RAD51B: variants seen among roughly 807,000 people sequenced by gnomAD.
RAD51B encodes the protein RAD51 paralog B.
Under a neutral mutation model 42.2 loss-of-function variants are expected in RAD51B, and 38 were observed. The observed-to-expected ratio is 0.90, with a 90% CI of 0.70 to 1.18. The LOEUF (loss-of-function observed/expected upper bound fraction) is 1.18, where lower values mean the gene tolerates loss of function less well. Ranked by LOEUF, RAD51B falls within the 50% of genes most tolerant of loss-of-function variation. The pLI, the probability that RAD51B is intolerant of heterozygous loss-of-function variation, is 0.00. For synonymous variants in RAD51B, 154 were observed against 145.2 expected, an observed-to-expected ratio of 1.06 and a Z score of -0.43; for missense variants, 373 against 400.7, an observed-to-expected ratio of 0.93 and a Z score of 0.59.
intron 7 of RAD51B, among the ~76,000 whole-genome samples, chr14:67,954,165 C>A (rs1003343638): frequency 6.6e-6 from 1 of 152,112 alleles, no homozygotes; most frequent in Admixed American, 6.5e-5. Flanking sequence ...ATTGTTCTTT[C>A]TATTGAATCA....
chr14:68,425,792 C>A (rs1227854106), intron 9 of RAD51B, among the ~76,000 whole-genome samples: 1 of 151,972 alleles, frequency 6.6e-6, no homozygotes, highest in East Asian at 1.9e-4. Flanking sequence ...GAGTAGCAGG[C>A]TAACAAAAGC....
At position 68,537,208 on chromosome 14, in the gene RAD51B, A is replaced by G. The variant is rs746835736; in HGVS notation, c.1037-57277A>G. 1.0e-4 allele frequency among the ~76,000 whole-genome samples: 15 copies of G among 149,734 alleles called. No individual in the cohort carries two copies. In the South Asian group the frequency reaches 2.6e-3, roughly 25 times the overall value. ...TGGTTAAAGGGGGTTGCTCTTAAAA[A>G]GGAACCATGGCCAGTCGCAGTGGCT... is the stretch of plus-strand genomic sequence containing the variant. On this transcript the variant is annotated intron_variant, in intron 10 of 10. Coordinates refer to the RAD51B transcript ENST00000487270.
intron 7 of RAD51B, among the ~76,000 whole-genome samples, chr14:68,014,695 A>AAAATAAATAAATAAAT (rs199800534): frequency 0.021 from 3,115 of 150,466 alleles, 85 homozygotes; most frequent in African/African-American, 0.062. Context: ...AGGATCAGTA[A>AAAATAAATAAATAAAT]AAATAAATAA....
chr14:68,032,541 A>G (rs2076063908), intron 7 of RAD51B, among the ~76,000 whole-genome samples: 2 of 152,144 alleles, frequency 1.3e-5, no homozygotes. Context: ...CCCTCTCTAC[A>G]TTTAATCATC....
chr14:68,618,781 C>G (rs1053905685), intron 10 of RAD51B, among the ~76,000 whole-genome samples: 1 of 152,186 alleles, frequency 6.6e-6, no homozygotes, highest in Non-Finnish European at 1.5e-5. Context: ...TTGAGAAACT[C>G]AAATTCAGGA....
At chr14:68,480,463 T>C (rs1021795771), downstream of RAD51B, among the ~76,000 whole-genome samples, 4 of 152,214 alleles carry the variant, frequency 2.6e-5, no homozygotes, top group Non-Finnish European at 4.4e-5. Context: ...CTACAGTTTC[T>C]GGTGCCCAAT....
chr14:68,534,621 G>A (rs963181044), intron 10 of RAD51B, among the ~76,000 whole-genome samples: 1 of 152,194 alleles, frequency 6.6e-6, no homozygotes, highest in African/African-American at 2.4e-5. Flanking sequence ...GCGCGAAGAT[G>A]AACAGAATGT....
chr14:68,228,115 C>G (rs1595576354), intron 7 of RAD51B, among the ~76,000 whole-genome samples: 1 of 152,050 alleles, frequency 6.6e-6, no homozygotes, highest in East Asian at 1.9e-4. Context: ...AGATTACAAG[C>G]TAGTAAGAGA....
intron 10 of RAD51B, among the ~76,000 whole-genome samples, chr14:68,553,104 G>A (rs1164467543): frequency 6.6e-6 from 1 of 152,110 alleles, no homozygotes; most frequent in Non-Finnish European, 1.5e-5. Context: ...TGTTGTTGCT[G>A]ATTTCATTTT....
At chr14:68,588,513 C>G (rs1190980395) in intron 10 of RAD51B, among the ~76,000 whole-genome samples, 1 of 152,170 alleles carries the variant, frequency 6.6e-6, no homozygotes, top group Non-Finnish European at 1.5e-5. Flanking sequence ...CAGAGTGCCC[C>G]CAGAGGGACC....
intron 9 of RAD51B, among the ~76,000 whole-genome samples, chr14:68,433,518 C>G (rs533641648): frequency 6.6e-6 from 1 of 152,178 alleles, no homozygotes; most frequent in African/African-American, 2.4e-5. Context: ...CGCTGATACC[C>G]TTTCTTCCAG....
chr14:67,858,484 G>A (rs2042066073), intron 4 of RAD51B, among the ~76,000 whole-genome samples: 1 of 152,148 alleles, frequency 6.6e-6, no homozygotes, highest in Non-Finnish European at 1.5e-5. Flanking sequence ...TTGAGTTTGG[G>A]TTCTTTATAG....
intron 7 of RAD51B, among the ~76,000 whole-genome samples, chr14:68,254,765 G>A (rs1164205628): frequency 1.3e-5 from 2 of 152,132 alleles, no homozygotes; most frequent in Non-Finnish European, 2.9e-5. Flanking sequence ...TCTGAGAAGG[G>A]CTTATAGGTT....
chr14:68,294,897 T>C (rs1356128224), intron 8 of RAD51B, among the ~76,000 whole-genome samples: 2 of 152,210 alleles, frequency 1.3e-5, no homozygotes, highest in East Asian at 3.8e-4. Flanking sequence ...TCTTGCTCTC[T>C]CTGCCTCTCT....
At chr14:68,051,190 T>C (rs1343319655) in intron 7 of RAD51B, among the ~76,000 whole-genome samples, 7 of 151,986 alleles carry the variant, frequency 4.6e-5, no homozygotes, top group Non-Finnish European at 1.0e-4. Flanking sequence ...TTAAAATTTA[T>C]ATAGAAAAAT....
intron 7 of RAD51B, among the ~76,000 whole-genome samples, chr14:67,985,372 A>G (rs2075166252): frequency 6.6e-6 from 1 of 152,202 alleles, no homozygotes; most frequent in South Asian, 2.1e-4. Flanking sequence ...GACTCAGCAC[A>G]AAAGAGGCAT....
At chr14:68,681,981 T>C (rs1893440742) in intron 11 of RAD51B, among the ~76,000 whole-genome samples, 1 of 151,912 alleles carries the variant, frequency 6.6e-6, no homozygotes, top group Non-Finnish European at 1.5e-5. Context: ...GATGGGAGCA[T>C]CAAAATCGCA....
chr14:68,400,658 A>T (rs1013752480), intron 8 of RAD51B, among the ~76,000 whole-genome samples: 1 of 152,054 alleles, frequency 6.6e-6, no homozygotes, highest in African/African-American at 2.4e-5. Flanking sequence ...GATAGAACAC[A>T]CTGTGGGGGA....
intron 7 of RAD51B, among the ~76,000 whole-genome samples, chr14:68,254,006 A>ATG (rs1254174906): frequency 6.6e-6 from 1 of 152,140 alleles, no homozygotes; most frequent in East Asian, 1.9e-4. Flanking sequence ...TCTTATCTTG[A>ATG]TGTGCAGTGT....
Sources: gnomAD v4.1 joint callset for allele counts (sites outside exome capture counted in the v4.1 genomes callset) on GRCh38, gnomAD v4.1.1 for gene constraint, MANE v1.5 for transcripts, NCBI Gene and HGNC (gene_info 2026-07-23, HGNC 2026-07-21) for gene names.